PROKR2: variants seen among roughly 807,000 people sequenced by gnomAD.
PROKR2 encodes prokineticin receptor 2.
Under a neutral mutation model 23.4 loss-of-function variants are expected in PROKR2, and 26 were observed. That is an observed-to-expected ratio of 1.11 (90% CI 0.81 to 1.54). PROKR2 has a LOEUF of 1.54. Ranked by LOEUF, PROKR2 falls within the 40% of genes most tolerant of loss-of-function variation. The pLI is 0.00. For synonymous variants in PROKR2, 212 were observed against 201.2 expected, an observed-to-expected ratio of 1.05 and a Z score of -0.45; for missense variants, 453 against 511.5, an observed-to-expected ratio of 0.89 and a Z score of 1.10.
chr20:5,309,704 C>T (rs912243262), intron 2 of PROKR2, among the ~76,000 whole-genome samples: 1 of 152,194 alleles, frequency 6.6e-6, no homozygotes, highest in African/African-American at 2.4e-5. Context: ...GGACATTATT[C>T]TGCCTCCCAT....
At chr20:5,302,828 CA>C in intron 2 of PROKR2, 92 bp from the exon 3 acceptor site, 1 of 906,086 alleles carries the variant, frequency 1.1e-6, no homozygotes, top group Admixed American at 1.8e-5. Context: ...AGCAGTGGCA[CA>C]GTGAATCCTC....
chr20:5,303,757 A>G (rs967226036), intron 2 of PROKR2, among the ~76,000 whole-genome samples: 2 of 152,170 alleles, frequency 1.3e-5, no homozygotes, highest in African/African-American at 4.8e-5. Context: ...CATGAAGGAC[A>G]GGGAGGAAAC....
At chr20:5,306,633 T>C (rs933216118) in intron 2 of PROKR2, among the ~76,000 whole-genome samples, 3 of 152,248 alleles carry the variant, frequency 2.0e-5, no homozygotes, top group Non-Finnish European at 4.4e-5. Context: ...GTAGCTGTAA[T>C]TGAGGTATTG....
chr20:5,304,852 C>T lies in PROKR2; in HGVS notation c.459-2116G>A, dbSNP rs187120270. Among the ~76,000 whole-genome samples, 142 of 152,254 alleles carry T rather than the reference C, an allele frequency of 9.3e-4. 1 individual carries two copies. The highest frequency in any genetic ancestry group is 3.1e-3 in the African/African-American group (127 of 41,540). Reference sequence around the variant, plus strand: ...TAATCCCGATTGCCAGGCTGCTCTGCGACCTATCAGAGGGAAAGCACATTT... The same window carrying T: ...TAATCCCGATTGCCAGGCTGCTCTGTGACCTATCAGAGGGAAAGCACATTT... On this transcript the variant is annotated intron_variant, in intron 2 of 2. Transcript: ENST00000678254.
chr20:5,316,898 G>A lies in PROKR2; in HGVS notation c.-413C>T, dbSNP rs1016725691. Among the ~76,000 whole-genome samples, 2 of 152,250 alleles carry A rather than the reference G, an allele frequency of 1.3e-5. No individual in the cohort carries two copies. Among genetic ancestry groups the A allele is most frequent in the Non-Finnish European group, 2.9e-5 (2 of 68,038 alleles). On this transcript the variant is annotated 5_prime_UTR_variant, in exon 1 of 3. Transcript: ENST00000678254. The surrounding 1 kb of genome is among the most constrained non-coding windows in gnomAD (Gnocchi z 5.0). ...CGTAGCTCCGGCCGCGCTGACGCGA[G>A]TCCCCGGCAGCGGGGGCAGCCTCTC...
At position 5,315,679 on chromosome 20, in the gene PROKR2, T is replaced by C. The variant is rs117225405; in HGVS notation, c.-9+815A>G. 2.2e-3 allele frequency: 802 copies of C among 362,752 alleles called. 2 individuals are homozygous for C. Among genetic ancestry groups the C allele is most frequent in the Non-Finnish European group, 3.7e-3 (671 of 181,628 alleles). The allele number at this position is 362,752 out of a possible 1,614,324, so 22.5% of individuals were successfully genotyped here. A position where few individuals can be genotyped will look rare whatever the true frequency, so the allele number is the denominator to read the frequency against. On this transcript the variant is annotated intron_variant, in intron 1 of 2. Transcript: ENST00000678254. ...CGCGCCAGCAAAAGACACCCTAACC[T>C]GGGGTGCGCCCGCCAGCTGCTTTCC... is the stretch of plus-strand genomic sequence containing the variant.
At position 5,316,121 on chromosome 20, in the gene PROKR2, A is replaced by G. The variant is rs1395703617; in HGVS notation, c.-9+373T>C. 2.2e-6 allele frequency: 1 copy of G among 456,530 alleles called. No homozygotes were observed. The highest frequency in any genetic ancestry group is 4.4e-6 in the Non-Finnish European group (1 of 226,948). 28.3% of individuals were successfully genotyped at this position (456,530 alleles called of 1,614,324 possible). Reference sequence around the variant, plus strand: ...GAAGAAAACGGCGGGTGGGTGGAGGATGCGGTGCGCGGGAATTTCCCCACG... The same window carrying G: ...GAAGAAAACGGCGGGTGGGTGGAGGGTGCGGTGCGCGGGAATTTCCCCACG... On this transcript the variant is annotated intron_variant, in intron 1 of 2. Transcript: ENST00000678254. This position sits in a 1 kb window ranked among gnomAD's most constrained non-coding sequence, Gnocchi z 5.0.
At chr20:5,305,382 C>T (rs7272950) in intron 2 of PROKR2, among the ~76,000 whole-genome samples, 79,415 of 151,862 alleles carry the variant, frequency 0.52, 20,763 homozygotes, top group African/African-American at 0.57. Flanking sequence ...CCCTTGCCAG[C>T]GGGGACGATA....
chr20:5,306,416 G>A (rs1979222081), intron 2 of PROKR2, among the ~76,000 whole-genome samples: 1 of 152,212 alleles, frequency 6.6e-6, no homozygotes, highest in Non-Finnish European at 1.5e-5. Context: ...GATAGTCATA[G>A]ATTTAAAAGA....
chr20:5,308,724 A>G (rs1475093002), intron 2 of PROKR2, among the ~76,000 whole-genome samples: 2 of 152,172 alleles, frequency 1.3e-5, no homozygotes, highest in African/African-American at 4.8e-5. Flanking sequence ...CTGCCTATAG[A>G]AAATTCTATC....
intron 2 of PROKR2, among the ~76,000 whole-genome samples, chr20:5,311,882 C>CATAT (rs532954123): frequency 6.6e-5 from 10 of 152,244 alleles, no homozygotes; most frequent in Non-Finnish European, 1.0e-4. Flanking sequence ...TCTCAGCCTG[C>CATAT]ATATGGCCTA....
At position 5,302,466 on chromosome 20, in the gene PROKR2, A is replaced by G; in HGVS notation, c.729T>C (p.Tyr243=). 6.2e-7 allele frequency: 1 copy of G among 1,614,230 alleles called. No homozygotes were observed. The highest frequency in any genetic ancestry group is 8.5e-7 in the Non-Finnish European group (1 of 1,180,050). The part of the protein sequence containing the change: ...VGPVVTMTLC[Y]ARISRELWFK... ...ACCAGAGCTCCCGGGAGATCCTGGC[A>G]TAGCACAGGGTCATGGTGACCACAG... is the stretch of plus-strand genomic sequence containing the variant. The change falls in exon 3 of 3, where the codon TAT becomes TAC. Residue 243 remains tyrosine, a synonymous_variant. Coordinates refer to ENST00000678254, the MANE Select transcript of PROKR2 (RefSeq NM_144773.4).
At chr20:5,304,667 C>T (rs906325907) in intron 2 of PROKR2, among the ~76,000 whole-genome samples, 20 of 152,286 alleles carry the variant, frequency 1.3e-4, no homozygotes, top group African/African-American at 4.8e-4. Context: ...GGAAAAATCA[C>T]TTCATGTGGA....
At position 5,313,931 on chromosome 20, in the gene PROKR2, G is replaced by T. The variant is rs754392293; in HGVS notation, c.439C>A (p.Leu147Met). 3 of 1,614,120 alleles carry T rather than the reference G, an allele frequency of 1.9e-6. No individual in the cohort carries two copies. Among genetic ancestry groups the T allele is most frequent in the African/African-American group, 1.3e-5 (1 of 75,062 alleles). The change falls in exon 2 of 3, where the codon CTG becomes ATG. Residue 147 changes from leucine to methionine, a missense_variant. Coordinates refer to ENST00000678254, the MANE Select transcript of PROKR2 (RefSeq NM_144773.4). ...VSLYVSTNAL[L>M]AIAIDRYLAI... ...CCTCACCTGTCAATGGCAATGGCCA[G>T]CAAGGCATTGGTGGAGACGTAGAGG... is the stretch of plus-strand genomic sequence containing the variant.
At chr20:5,304,073 T>C (rs1979122144) in intron 2 of PROKR2, among the ~76,000 whole-genome samples, 1 of 152,082 alleles carries the variant, frequency 6.6e-6, no homozygotes, top group South Asian at 2.1e-4. Context: ...ACCCCCTCCT[T>C]ATTATTTTGA....
At position 5,316,882 on chromosome 20, in the gene PROKR2, G is replaced by A. The variant is rs549811735; in HGVS notation, c.-397C>T. ...TCCAGGGCGCGGGCACCGTAGCTCCGGCCGCGCTGACGCGAGTCCCCGGCA... is the reference window on the plus strand; with the variant it reads ...TCCAGGGCGCGGGCACCGTAGCTCCAGCCGCGCTGACGCGAGTCCCCGGCA... On this transcript the variant is annotated 5_prime_UTR_variant, in exon 1 of 3. Transcript: ENST00000678254. This position sits in a 1 kb window ranked among gnomAD's most constrained non-coding sequence, Gnocchi z 5.0. 1.3e-5 allele frequency among the ~76,000 whole-genome samples: 2 copies of A among 152,378 alleles called. No individual in the cohort carries two copies. Among genetic ancestry groups the A allele is most frequent in the South Asian group, 2.1e-4 (1 of 4,828 alleles).
chr20:5,305,546 A>C (rs190669972), intron 2 of PROKR2, among the ~76,000 whole-genome samples: 2 of 152,330 alleles, frequency 1.3e-5, no homozygotes, highest in East Asian at 1.9e-4. Context: ...ACAGCTCCTG[A>C]TTGTGCCGTA....
In PROKR2 at chr20:5,301,208, GTT is replaced by G. The variant is rs1978973589; in HGVS notation, c.*830_*831del. Among the ~76,000 whole-genome samples the G allele has an allele frequency of 1.3e-5, 2 of 150,356 alleles. No homozygotes were observed. The highest frequency in any genetic ancestry group is 5.0e-5 in the African/African-American group (2 of 40,136). On this transcript the variant is annotated 3_prime_UTR_variant, in exon 3 of 3. Transcript: ENST00000678254. Reference sequence around the variant, plus strand: ...GAGTCTTCTTCTATAGCCGTTGGTTGTTGTTGTTGTTGTTTTGTTGTTTGTTT... The same window carrying G: ...GAGTCTTCTTCTATAGCCGTTGGTTGGTTGTTGTTGTTTTGTTGTTTGTTT...
rs3746683 is a variant in PROKR2, at chr20:5,302,670, G to C, written c.525C>G (p.Ala175=). ...MNYQTASFLI[A]LVWMVSILIA... ...TGAGAATGGACACCATCCAGACCAA[G>C]GCGATCAGGAAGGAGGCCGTTTGAT... is the stretch of plus-strand genomic sequence containing the variant. Residue 175 remains alanine (A), a synonymous_variant, in exon 3 of 3, where the codon GCC becomes GCG. Transcript: ENST00000678254. The C allele has an allele frequency of 0.12, 190,877 of 1,614,038 alleles. 11,930 individuals are homozygous for C. The highest frequency in any genetic ancestry group is 0.13 in the South Asian group (11,404 of 91,078).
Sources: gnomAD v4.1 joint callset for allele counts (sites outside exome capture counted in the v4.1 genomes callset) on GRCh38, gnomAD v4.1.1 for gene constraint, Gnocchi (gnomAD v3.1) non-coding constraint, MANE v1.5 for transcripts, NCBI Gene and HGNC (gene_info 2026-07-23, HGNC 2026-07-21) for gene names.